Variants in RNF214 observed in about 807,000 individuals in gnomAD.
RNF214 encodes the protein ring finger protein 214.
Under a neutral mutation model 75.9 loss-of-function variants are expected in RNF214, and 25 were observed. That is an observed-to-expected ratio of 0.33 (90% CI 0.24 to 0.46). The LOEUF is 0.46. Ranked by LOEUF, RNF214 falls within the 20% of genes least tolerant of loss-of-function variation. RNF214 has a pLI of 1.00. For missense variants in RNF214, 725 were observed against 857.5 expected (o/e 0.85, Z 1.93); for synonymous variants, 314 against 308.8 (o/e 1.02, Z -0.18).
chr11:117,238,821 A>G lies in RNF214; in HGVS notation c.328A>G (p.Lys110Glu). 6.2e-7 allele frequency: 1 copy of G among 1,614,170 alleles called. No homozygotes were observed. The highest frequency in any genetic ancestry group is 8.5e-7 in the Non-Finnish European group (1 of 1,180,030). The change falls in exon 3 of 15, where the codon AAG (lysine) becomes GAG (glutamate). Residue 110 changes from lysine (K) to glutamate (E), a missense_variant. Lys to Glu is a moderately conservative substitution (Grantham distance 56). Transcript: ENST00000300650. ...LSGSGSQSDLKDVASTAGEEG... is the reference protein window; with the variant it reads ...LSGSGSQSDLEDVASTAGEEG... ...TGGCAGTGGGTCTCAGTCTGATTTG[A>G]AGGATGTGGCCAGCACAGCAGGAGA...
chr11:117,282,167 T>C lies in RNF214; in HGVS notation c.1609T>C (p.Leu537=), dbSNP rs768040799. 6.2e-7 allele frequency: 1 copy of C among 1,614,008 alleles called. No individual in the cohort carries two copies. Among genetic ancestry groups the C allele is most frequent in the Non-Finnish European group, 8.5e-7 (1 of 1,179,938 alleles). ...CGCCTCCATCCCACCTCCCCCAGGCTTGGGCGGTGTTAAGGCTTCTGCTGA... is the reference window on the plus strand; with the variant it reads ...CGCCTCCATCCCACCTCCCCCAGGCCTGGGCGGTGTTAAGGCTTCTGCTGA... ...PAASIPPPPG[L]GGVKASAETP... Residue 537 remains leucine, a synonymous_variant, in exon 11 of 15, where the codon TTG becomes CTG. Transcript: ENST00000300650.
At chr11:117,265,172 A>T (rs573353558) in intron 6 of RNF214, among the ~76,000 whole-genome samples, 1 of 151,970 alleles carries the variant, frequency 6.6e-6, no homozygotes, top group East Asian at 1.9e-4. Flanking sequence ...ATTTGATTGG[A>T]TTAAGTCTAT....
intron 2 of RNF214, among the ~76,000 whole-genome samples, chr11:117,237,678 TAAA>T (rs1591816179): frequency 6.6e-6 from 1 of 151,904 alleles, no homozygotes; most frequent in Non-Finnish European, 1.5e-5. Flanking sequence ...AATAAATAAA[TAAA>T]AAATAAAAGC....
chr11:117,265,000 G>A (rs1265086490), intron 6 of RNF214, among the ~76,000 whole-genome samples: 1 of 151,624 alleles, frequency 6.6e-6, no homozygotes, highest in Non-Finnish European at 1.5e-5. Flanking sequence ...CCCAGGAGGC[G>A]GAGGTTGCAG....
At chr11:117,269,408 C>T (rs1300998628) in intron 6 of RNF214, among the ~76,000 whole-genome samples, 1 of 152,156 alleles carries the variant, frequency 6.6e-6, no homozygotes, top group Non-Finnish European at 1.5e-5. Flanking sequence ...GTCACCCAGC[C>T]TGGAGTGCAG....
chr11:117,279,971 T>C lies in RNF214; in HGVS notation c.1023T>C (p.Ile341=), dbSNP rs756773065. 3 of 1,613,490 alleles carry C rather than the reference T, an allele frequency of 1.9e-6. No homozygotes were observed. Among genetic ancestry groups the C allele is most frequent in the Non-Finnish European group, 2.5e-6 (3 of 1,179,794 alleles). ...KNQDGEINRN[I]MEETERAWKA... ...AGGATGGCGAAATAAATAGGAACAT[T>C]ATGGAAGAGACTGAACGGGCCTGGA... The change falls in exon 7 of 15, where the codon ATT becomes ATC. Residue 341 remains isoleucine (I), a synonymous_variant. Coordinates refer to ENST00000300650, the MANE Select transcript of RNF214 (RefSeq NM_207343.4).
At chr11:117,265,142 T>C (rs902857183) in intron 6 of RNF214, among the ~76,000 whole-genome samples, 3 of 152,160 alleles carry the variant, frequency 2.0e-5, no homozygotes, top group African/African-American at 7.2e-5. Context: ...TTAGTTCATT[T>C]ATATTTAATG....
rs2034260160 is a variant in RNF214 at position 117,286,353 on chromosome 11, ACT to A, written c.*1205_*1206del. On this transcript the variant is annotated 3_prime_UTR_variant, in exon 15 of 15. Coordinates refer to ENST00000300650, the MANE Select transcript of RNF214 (RefSeq NM_207343.4). The stretch of plus-strand genomic sequence containing the variant: ...AGGTTTTATACCTGGGAAAGCTGTG[ACT>A]CTATTAGAGCTTTGAATCTTTTCCT... The A allele has an allele frequency of 6.6e-6, 1 of 152,030 alleles. No individual in the cohort carries two copies. Among genetic ancestry groups the A allele is most frequent in the African/African-American group, 2.4e-5 (1 of 41,382 alleles). 9.4% of individuals were successfully genotyped at this position (152,030 alleles called of 1,614,324 possible).
rs770176452 is a variant in RNF214, at chr11:117,238,993, C to T, written c.500C>T (p.Thr167Ile). Residue 167 changes from threonine (T) to isoleucine (I), a missense_variant, in exon 3 of 15, where the codon ACA (threonine) becomes ATA (isoleucine). Coordinates refer to ENST00000300650, the MANE Select transcript of RNF214 (RefSeq NM_207343.4). ...ATCCTAAAGGAAGGTAACAGGGACA[C>T]AAGCTTGGATTTCCGACCTGTAGTG... ...TSILKEGNRD[T>I]SLDFRPVVSP... The T allele has an allele frequency of 6.2e-7, 1 of 1,614,192 alleles. No homozygotes were observed. The highest frequency in any genetic ancestry group is 1.1e-5 in the South Asian group (1 of 91,082).
chr11:117,233,109 G>C (rs1486514481), intron 1 of RNF214, among the ~76,000 whole-genome samples: 2 of 152,060 alleles, frequency 1.3e-5, no homozygotes, highest in Admixed American at 6.5e-5. Context: ...GCCCCGGGTT[G>C]CGGAGTTCTT....
chr11:117,245,178 G>T (rs2033182179), intron 5 of RNF214, among the ~76,000 whole-genome samples: 1 of 150,226 alleles, frequency 6.7e-6, no homozygotes, highest in Non-Finnish European at 1.5e-5. Flanking sequence ...AATGAGCCGG[G>T]CGTGGTGGTG....
chr11:117,235,418 G>A (rs973029864), intron 2 of RNF214, among the ~76,000 whole-genome samples: 4 of 150,514 alleles, frequency 2.7e-5, no homozygotes, highest in Admixed American at 6.6e-5. Context: ...GGATGGTCTC[G>A]ATCTCCTGAC....
chr11:117,251,786 G>A (rs1466624743), intron 6 of RNF214, among the ~76,000 whole-genome samples: 4 of 152,150 alleles, frequency 2.6e-5, no homozygotes, highest in African/African-American at 9.7e-5. Flanking sequence ...AAGGAGTTTG[G>A]GTTTTTCCAT....
intron 6 of RNF214, among the ~76,000 whole-genome samples, chr11:117,251,853 T>C (rs2033403437): frequency 6.6e-6 from 1 of 152,086 alleles, no homozygotes; most frequent in African/African-American, 2.4e-5. Flanking sequence ...CAATTTGCAT[T>C]TTATTTTTAT....
At chr11:117,265,830 GC>G (rs1225600005) in intron 6 of RNF214, among the ~76,000 whole-genome samples, 1 of 152,090 alleles carries the variant, frequency 6.6e-6, no homozygotes, top group African/African-American at 2.4e-5. Context: ...GCATGTAAAC[GC>G]CAACACAATC....
In RNF214 at chr11:117,235,522, G is replaced by A. The variant is rs530055119; in HGVS notation, c.107+1143G>A. On this transcript the variant is annotated intron_variant, in intron 2 of 14. Transcript: ENST00000300650. The stretch of plus-strand genomic sequence containing the variant: ...TTTTTTTTTTTTTTTTTTTTGAGAT[G>A]GAGTCTCGCTCTGTCGCCCAGACTG... 1.8e-3 allele frequency among the ~76,000 whole-genome samples: 237 copies of A among 128,806 alleles called. 5 individuals are homozygous for A. The South Asian group carries it at 0.061, about 33-fold the overall frequency. The allele number at this position is 128,806 out of a possible 152,430, so 84.5% of individuals were successfully genotyped here.
chr11:117,234,684 A>C, intron 2 of RNF214, among the ~76,000 whole-genome samples: 1 of 152,268 alleles, frequency 6.6e-6, no homozygotes, highest in East Asian at 1.9e-4. Flanking sequence ...TTTATATGTT[A>C]TATATGAGAA....
At chr11:117,265,775 CTTATT>C (rs1048774778) in intron 6 of RNF214, among the ~76,000 whole-genome samples, 4 of 152,146 alleles carry the variant, frequency 2.6e-5, no homozygotes, top group African/African-American at 7.2e-5. Context: ...CAAAAACATA[CTTATT>C]TTAAGTGTAC....
Position 117,285,345 on chromosome 11 carries a change from G to T in RNF214, c.*194G>T. The stretch of plus-strand genomic sequence containing the variant: ...AAACTATGTATATTATGCAGAAACA[G>T]TCTGTTCCCCCTCATCTTGCAATTC... On this transcript the variant is annotated 3_prime_UTR_variant, in exon 15 of 15. Coordinates refer to ENST00000300650, the MANE Select transcript of RNF214 (RefSeq NM_207343.4). 2.2e-6 allele frequency: 1 copy of T among 458,974 alleles called. No individual in the cohort carries two copies. The highest frequency in any genetic ancestry group is 3.9e-6 in the Non-Finnish European group (1 of 258,390). The allele number at this position is 458,974 out of a possible 1,614,324, so 28.4% of individuals were successfully genotyped here. A position where few individuals can be genotyped will look rare whatever the true frequency, so the allele number is the denominator to read the frequency against.
Sources: allele counts gnomAD v4.1 joint callset (sites outside exome capture counted in the v4.1 genomes callset), GRCh38; gene constraint gnomAD v4.1.1; transcripts MANE v1.5; gene names NCBI Gene and HGNC (gene_info 2026-07-23, HGNC 2026-07-21).